Variants in ABHD5 observed in about 807,000 individuals in gnomAD.
ABHD5 encodes the protein abhydrolase domain containing 5, lysophosphatidic acid acyltransferase, also known as 1-acylglycerol-3-phosphate O-acyltransferase ABHD5.
In ABHD5, 30 loss-of-function variants were observed where a neutral mutation model predicts 44.9. That is an observed-to-expected ratio of 0.67 (90% confidence interval 0.50 to 0.91). ABHD5 has a LOEUF of 0.91. Ranked by LOEUF, ABHD5 falls within the 40% of genes least tolerant of loss-of-function variation. The pLI, the probability that ABHD5 is intolerant of heterozygous loss-of-function variation, is 0.00. For missense variants in ABHD5, 399 were observed against 423.4 expected (o/e 0.94, Z 0.50); for synonymous variants, 167 against 147.0 (o/e 1.14, Z -0.99).
chr3:43,726,623 C>A (rs1270973419), downstream of ABHD5, among the ~76,000 whole-genome samples: 1 of 152,198 alleles, frequency 6.6e-6, no homozygotes, highest in Non-Finnish European at 1.5e-5. Context: ...CCAAAGATGC[C>A]AGCAACTGAC....
At chr3:43,714,129 C>G (rs1363473225) in intron 4 of ABHD5, among the ~76,000 whole-genome samples, 1 of 146,308 alleles carries the variant, frequency 6.8e-6, no homozygotes, top group Non-Finnish European at 1.5e-5. Flanking sequence ...TTCTTTCTTT[C>G]TTTTTTTCTT....
chr3:43,694,062 C>T (rs1185603092), intron 1 of ABHD5, among the ~76,000 whole-genome samples: 1 of 128,602 alleles, frequency 7.8e-6, no homozygotes, highest in Admixed American at 7.8e-5. Flanking sequence ...AATCCTAGCA[C>T]TTTGGGGTAA....
chr3:43,726,665 C>T (rs1046588707), downstream of ABHD5, among the ~76,000 whole-genome samples: 38 of 152,246 alleles, frequency 2.5e-4, 1 homozygote, highest in Non-Finnish European at 1.5e-5. Flanking sequence ...TCCTCAAGTG[C>T]AGTCTGTTTC....
chr3:43,704,949 T>C (rs1488265190), intron 3 of ABHD5, among the ~76,000 whole-genome samples: 1 of 152,186 alleles, frequency 6.6e-6, no homozygotes, highest in African/African-American at 2.4e-5. Context: ...ACAGAGTGTA[T>C]TGAATATTCA....
chr3:43,704,591 C>G (rs143480449), intron 3 of ABHD5, among the ~76,000 whole-genome samples: 1 of 152,110 alleles, frequency 6.6e-6, no homozygotes, highest in African/African-American at 2.4e-5. Flanking sequence ...GAATCCTGAC[C>G]CTTCATAGCT....
Position 43,702,268 on chromosome 3 carries a change from A to G in ABHD5, c.187A>G (p.Ile63Val), listed in dbSNP as rs2084550146. The change falls in exon 3 of 7, where the codon ATA (isoleucine) becomes GTA (valine). Residue 63 changes from isoleucine to valine, a missense_variant. Physicochemically the swap from Ile to Val is conservative, Grantham distance 29. Transcript: ENST00000644371. ...EPVRISNGNK[I>V]WTLKFSHNIS... ...TGTTCGTATATCTAATGGAAATAAA[A>G]TATGGACACTGAAGTTCTCTCATAA... 1 of 1,598,006 alleles carries G rather than the reference A, an allele frequency of 6.3e-7. No individual in the cohort carries two copies. Among genetic ancestry groups the G allele is most frequent in the East Asian group, 2.2e-5 (1 of 44,516 alleles).
intron 2 of ABHD5, among the ~76,000 whole-genome samples, chr3:43,701,637 T>C (rs2084543030): frequency 6.6e-6 from 1 of 152,236 alleles, no homozygotes; most frequent in Non-Finnish European, 1.5e-5. Context: ...TGGTGTGTCA[T>C]GCTGAGGAGT....
In ABHD5 at chr3:43,715,303, G is replaced by A. The variant is rs1045576803; in HGVS notation, c.773+245G>A. On this transcript the variant is annotated intron_variant, in intron 5 of 6. Coordinates refer to ENST00000644371, the MANE Select transcript of ABHD5 (RefSeq NM_016006.6). ...AGCCTCCTGAGTAGCTGGGATTACA[G>A]GCATGTGCCACCACGCCCGGCTAAT... Among the ~76,000 whole-genome samples the A allele has an allele frequency of 5.3e-5, 8 of 152,216 alleles. No homozygotes were observed. In the East Asian group the frequency reaches 1.5e-3, roughly 29 times the overall value.
intron 3 of ABHD5, among the ~76,000 whole-genome samples, chr3:43,705,240 G>T (rs1310536759): frequency 1.3e-5 from 2 of 152,132 alleles, no homozygotes; most frequent in African/African-American, 4.8e-5. Flanking sequence ...ATAAGAGCTG[G>T]TCATGTCATA....
chr3:43,708,796 T>A (rs1346578359), intron 3 of ABHD5, among the ~76,000 whole-genome samples: 1 of 152,246 alleles, frequency 6.6e-6, no homozygotes, highest in African/African-American at 2.4e-5. Flanking sequence ...TTTTTTACTA[T>A]AGCCCTTCTA....
At chr3:43,707,374 G>C (rs1431262356) in intron 3 of ABHD5, among the ~76,000 whole-genome samples, 1 of 152,088 alleles carries the variant, frequency 6.6e-6, no homozygotes, top group African/African-American at 2.4e-5. Context: ...TGATTGTACA[G>C]AACTGAGCTG....
In ABHD5 at chr3:43,728,650, G is replaced by A. The variant is rs565919006; in HGVS notation, c.*30-5230G>A. ...TACTGTTATGTGACTGTTAATTACC[G>A]CTGTGATGTCTGCCTCATTGTTCAT... On this transcript the variant is annotated intron_variant, in intron 7 of 7. Coordinates refer to the ABHD5 transcript ENST00000454293. Among the ~76,000 whole-genome samples, 4 of 152,314 alleles carry A rather than the reference G, an allele frequency of 2.6e-5. No individual in the cohort carries two copies. The East Asian group carries it at 7.7e-4, about 29-fold the overall frequency.
At chr3:43,715,640 T>C (rs544901426) in intron 5 of ABHD5, among the ~76,000 whole-genome samples, 3 of 152,304 alleles carry the variant, frequency 2.0e-5, no homozygotes, top group Non-Finnish European at 4.4e-5. Flanking sequence ...CACTCTTCCC[T>C]CAAAGTTCTC....
chr3:43,731,749 T>C (rs182223752), intron 7 of ABHD5, among the ~76,000 whole-genome samples: 1 of 152,224 alleles, frequency 6.6e-6, no homozygotes, highest in Admixed American at 6.5e-5. Context: ...GGAGAATCGC[T>C]TGAACCCGGG....
At chr3:43,691,340 C>T in intron 1 of ABHD5, 1 of 248,864 alleles carries the variant, frequency 4.0e-6, no homozygotes, top group Non-Finnish European at 7.6e-6. Context: ...AGCCACCCCG[C>T]GGGCCGGCGA....
intron 3 of ABHD5, chr3:43,707,801 T>C (rs2084640707): frequency 6.6e-6 from 1 of 152,296 alleles, no homozygotes; most frequent in Non-Finnish European, 1.5e-5. Flanking sequence ...GCTATTTTTT[T>C]GTATTTTTTG....
intron 4 of ABHD5, among the ~76,000 whole-genome samples, chr3:43,713,835 A>G: frequency 6.6e-6 from 1 of 152,182 alleles, no homozygotes; most frequent in East Asian, 1.9e-4. Context: ...CTTTAATGCC[A>G]TGCCCTCAGC....
chr3:43,730,194 T>C (rs992998754), intron 7 of ABHD5, among the ~76,000 whole-genome samples: 4 of 152,220 alleles, frequency 2.6e-5, no homozygotes, highest in Non-Finnish European at 5.9e-5. Flanking sequence ...AGTTAACTTA[T>C]TGGAGCAATG....
At chr3:43,706,138 A>G (rs767972195) in intron 3 of ABHD5, among the ~76,000 whole-genome samples, 12 of 152,152 alleles carry the variant, frequency 7.9e-5, no homozygotes, top group Non-Finnish European at 1.5e-4. Flanking sequence ...GTGATGTGGA[A>G]TGTTTCACCT....
Sources: gnomAD v4.1 joint callset for allele counts (sites outside exome capture counted in the v4.1 genomes callset) on GRCh38, gnomAD v4.1.1 for gene constraint, MANE v1.5 for transcripts, NCBI Gene and HGNC (gene_info 2026-07-23, HGNC 2026-07-21) for gene names.